Variants in CFAP44 observed in about 807,000 individuals in gnomAD.
CFAP44 encodes the protein cilia- and flagella-associated protein 44.
In CFAP44, 134 loss-of-function variants were observed where a neutral mutation model predicts 216.2. The ratio of observed to expected loss-of-function variants is 0.62; its 90% CI spans 0.54 to 0.72. The LOEUF is 0.72. CFAP44 is among the 30% of genes least tolerant of loss of function. The probability of loss-of-function intolerance (pLI) is 0.00; values close to 1 mark genes in which losing one functional copy is unlikely to be tolerated. For missense variants in CFAP44, 2,035 were observed against 2,182.1 expected (o/e 0.93, Z 1.34); for synonymous variants, 700 against 727.6 (o/e 0.96, Z 0.61).
At chr3:113,358,619 G>A (rs1032061660) in intron 22 of CFAP44, 126 bp downstream of exon 22, 46 of 1,226,714 alleles carry the variant, frequency 3.7e-5, no homozygotes, top group Non-Finnish European at 4.8e-5. Context: ...AGGATTCCTT[G>A]AGATTTCAAG....
chr3:113,347,354 C>T (rs985021108), intron 22 of CFAP44, among the ~76,000 whole-genome samples: 1 of 152,106 alleles, frequency 6.6e-6, no homozygotes, highest in Non-Finnish European at 1.5e-5. Context: ...GAGTGGAACT[C>T]TCAAAGTCAC....
intron 24 of CFAP44, among the ~76,000 whole-genome samples, chr3:113,339,831 G>T (rs1402049582): frequency 6.6e-6 from 1 of 152,162 alleles, no homozygotes. Flanking sequence ...ACAGAGCTAG[G>T]GGGAGCCCTC....
At chr3:113,335,052 G>A (rs1481673665) in intron 24 of CFAP44, among the ~76,000 whole-genome samples, 1 of 152,004 alleles carries the variant, frequency 6.6e-6, no homozygotes, top group Non-Finnish European at 1.5e-5. Flanking sequence ...AGGGAGAAAG[G>A]AAAGGAAAGA....
rs769984016 is a variant in CFAP44, at chr3:113,407,004, G to A, written c.928C>T (p.Leu310=). The A allele has an allele frequency of 3.5e-5, 57 of 1,614,010 alleles. No individual in the cohort carries two copies. Among genetic ancestry groups the A allele is most frequent in the Non-Finnish European group, 4.8e-5 (57 of 1,180,032 alleles). Residue 310 remains leucine (L), a synonymous_variant, in exon 8 of 35, where the codon CTG becomes TTG. Coordinates refer to ENST00000393845, the MANE Select transcript of CFAP44 (RefSeq NM_001164496.2). ...EMAFTFTGLK[L]QGSLGRFGKT... ...CCAAATCGACCTAGTGATCCCTGCA[G>A]CTTGAGACCGGTGAACGTAAAAGCC... is the stretch of plus-strand genomic sequence containing the variant.
At chr3:113,302,457 TAAAAAAAAAA>T (rs60866565) in intron 32 of CFAP44, among the ~76,000 whole-genome samples, 4 of 75,796 alleles carry the variant, frequency 5.3e-5, no homozygotes, top group East Asian at 3.9e-4. Flanking sequence ...CTAGACAAAG[TAAAAAAAAAA>T]AAAAAAAAAA....
At chr3:113,409,761 C>G (rs574073285) in intron 6 of CFAP44, among the ~76,000 whole-genome samples, 1 of 152,260 alleles carries the variant, frequency 6.6e-6, no homozygotes, top group African/African-American at 2.4e-5. Context: ...TCAAAAGACC[C>G]AACTGATAAA....
intron 23 of CFAP44, 113 bp downstream of exon 23, chr3:113,344,403 G>T: frequency 1.2e-6 from 1 of 855,050 alleles, no homozygotes; most frequent in Non-Finnish European, 1.8e-6. Context: ...AAGGAAGAGG[G>T]GCAAGAGATT....
chr3:113,362,124 C>A (rs140083309), intron 21 of CFAP44, among the ~76,000 whole-genome samples: 35 of 151,894 alleles, frequency 2.3e-4, no homozygotes, highest in Non-Finnish European at 4.3e-4. Flanking sequence ...TTTAGAAGAT[C>A]TTGGTTGAGG....
chr3:113,350,115 G>C (rs768257326), intron 22 of CFAP44, among the ~76,000 whole-genome samples: 5 of 152,132 alleles, frequency 3.3e-5, no homozygotes, highest in Non-Finnish European at 7.4e-5. Flanking sequence ...AAAAGGGGAA[G>C]GAGAGGGGAG....
intron 34 of CFAP44, among the ~76,000 whole-genome samples, chr3:113,292,264 A>T (rs1033669372): frequency 2.6e-5 from 4 of 152,170 alleles, no homozygotes; most frequent in African/African-American, 9.7e-5. Flanking sequence ...ACAGAATATT[A>T]CATGGTTCAT....
chr3:113,313,552 T>C (rs55811539), intron 28 of CFAP44, among the ~76,000 whole-genome samples: 2,311 of 152,220 alleles, frequency 0.015, 23 homozygotes, highest in Non-Finnish European at 0.025. Context: ...GGGGGCGGAA[T>C]GATATGGTTT....
rs1949965030 is a variant in CFAP44, at chr3:113,304,309, A to G, written c.4876-192T>C. 38 of 599,594 alleles carry G rather than the reference A, an allele frequency of 6.3e-5. 2 individuals carry two copies. The South Asian group carries it at 7.9e-4, about 13-fold the overall frequency. The allele number at this position is 599,594 out of a possible 1,614,324, so 37.1% of individuals were successfully genotyped here. On this transcript the variant is annotated intron_variant, in intron 31 of 34. Transcript: ENST00000393845. ...ATGCTGTCAGACAGAAAGCCACATC[A>G]CGTCTCTGTGGGGATAGCAAATCCT...
chr3:113,325,557 G>C (rs558261026), intron 28 of CFAP44, among the ~76,000 whole-genome samples: 30 of 151,878 alleles, frequency 2.0e-4, no homozygotes, highest in South Asian at 1.2e-3. Flanking sequence ...CCATTCTCCT[G>C]TCTCAGCCTC....
At chr3:113,320,253 T>A (rs1208165167) in intron 28 of CFAP44, among the ~76,000 whole-genome samples, 1 of 150,566 alleles carries the variant, frequency 6.6e-6, no homozygotes, top group Non-Finnish European at 1.5e-5. Context: ...TCTCTCTCTC[T>A]CAATATATAT....
chr3:113,343,832 TGAA>T (rs1950357281), intron 23 of CFAP44, among the ~76,000 whole-genome samples: 1 of 152,196 alleles, frequency 6.6e-6, no homozygotes, highest in Non-Finnish European at 1.5e-5. Flanking sequence ...GAGTTCCCAA[TGAA>T]GAAGATAAAC....
At position 113,409,186 on chromosome 3, in the gene CFAP44, A is replaced by T; in HGVS notation, c.810T>A (p.Ala270=). 1.9e-6 allele frequency: 3 copies of T among 1,613,998 alleles called. No homozygotes were observed. In the South Asian group the frequency reaches 3.3e-5, roughly 18 times the overall value. ...KEEQPILRTK[A]FSQEVFKVTF... ...TAACCTTAAAAACTTCCTGAGAAAA[A>T]GCTTTTGTCCTTAGTATGGGTTGTT... The change falls in exon 7 of 35, where the codon GCT becomes GCA. Residue 270 remains alanine (A), a synonymous_variant. Coordinates refer to ENST00000393845, the MANE Select transcript of CFAP44 (RefSeq NM_001164496.2).
At chr3:113,354,329 G>T (rs955230346) in intron 22 of CFAP44, among the ~76,000 whole-genome samples, 2 of 152,194 alleles carry the variant, frequency 1.3e-5, no homozygotes, top group Non-Finnish European at 2.9e-5. Context: ...ACCCATGCAG[G>T]TTCCCTGAGA....
At chr3:113,361,877 A>C (rs1950544844) in intron 21 of CFAP44, among the ~76,000 whole-genome samples, 1 of 151,896 alleles carries the variant, frequency 6.6e-6, no homozygotes, top group Non-Finnish European at 1.5e-5. Flanking sequence ...CCAGAAAACA[A>C]ACACCAATTT....
At chr3:113,347,350 A>G (rs34056827) in intron 22 of CFAP44, among the ~76,000 whole-genome samples, 19,138 of 152,044 alleles carry the variant, frequency 0.13, 1,242 homozygotes, top group Middle Eastern at 0.15. Flanking sequence ...CCATGAGTGG[A>G]ACTCTCAAAG....
Sources: gnomAD v4.1 joint callset for allele counts (sites outside exome capture counted in the v4.1 genomes callset) on GRCh38, gnomAD v4.1.1 for gene constraint, MANE v1.5 for transcripts, NCBI Gene and HGNC (gene_info 2026-07-23, HGNC 2026-07-21) for gene names.